The following LRRC8D variants were observed in gnomAD, a reference collection of about 807,000 sequenced individuals.
LRRC8D encodes the protein volume-regulated anion channel subunit LRRC8D.
Under a neutral mutation model 55.8 loss-of-function variants are expected in LRRC8D, and 20 were observed. That is an observed-to-expected ratio of 0.36 (90% confidence interval 0.25 to 0.52). The LOEUF (loss-of-function observed/expected upper bound fraction) is 0.52. Ranked by LOEUF, LRRC8D falls within the 20% of genes least tolerant of loss-of-function variation. The probability of loss-of-function intolerance (pLI) is 0.93; values close to 1 mark genes in which losing one functional copy is unlikely to be tolerated. For synonymous variants in LRRC8D, 352 were observed against 377.0 expected (o/e 0.93, Z 0.77); for missense variants, 651 against 1,030.8 (o/e 0.63, Z 5.05).
intron 2 of LRRC8D, among the ~76,000 whole-genome samples, chr1:89,891,973 C>T (rs1054136793): frequency 1.8e-4 from 27 of 152,178 alleles, no homozygotes; most frequent in Admixed American, 7.9e-4. Flanking sequence ...TCTGTATCTC[C>T]GGTTCCATGT....
chr1:89,873,188 T>G (rs1662064661), intron 2 of LRRC8D, among the ~76,000 whole-genome samples: 1 of 152,120 alleles, frequency 6.6e-6, no homozygotes, highest in South Asian at 2.1e-4. Flanking sequence ...CTGTCCTCTT[T>G]GAAAAATTTG....
intron 2 of LRRC8D, among the ~76,000 whole-genome samples, chr1:89,895,600 T>G (rs879555180): frequency 2.0e-5 from 3 of 152,238 alleles, no homozygotes; most frequent in Non-Finnish European, 4.4e-5. Context: ...TGACATGTAC[T>G]TTTAAAAATT....
Position 89,935,371 on chromosome 1 carries a change from CA to C in LRRC8D, c.2307del (p.Lys769AsnfsTer7). On this transcript the variant is annotated frameshift_variant, in exon 3 of 3. Coordinates refer to ENST00000337338, the MANE Select transcript of LRRC8D (RefSeq NM_001134479.2). LOFTEE classifies it high-confidence loss of function. ...HITGNKVDILPKQLFKCIKLR... is the reference protein window; with the variant it reads ...HITGNKVDILXKQLFKCIKLR... ...ACTGGGAACAAAGTGGACATTCTGC[CA>C]AAACAATTGTTTAAATGCATAAAGT... is the stretch of plus-strand genomic sequence containing the variant. The C allele has an allele frequency of 6.2e-7, 1 of 1,614,214 alleles. No individual in the cohort carries two copies. The highest frequency in any genetic ancestry group is 8.5e-7 in the Non-Finnish European group (1 of 1,180,032).
At chr1:89,932,431 T>C (rs1245314948) in intron 2 of LRRC8D, among the ~76,000 whole-genome samples, 1 of 152,214 alleles carries the variant, frequency 6.6e-6, no homozygotes, top group African/African-American at 2.4e-5. Flanking sequence ...CAACTGTTCA[T>C]GGACACTTCC....
intron 2 of LRRC8D, among the ~76,000 whole-genome samples, chr1:89,910,866 T>C (rs1480556169): frequency 5.3e-5 from 8 of 152,190 alleles, no homozygotes; most frequent in Non-Finnish European, 4.4e-5. Context: ...CAGTGTTGAA[T>C]GGCAAGATAC....
intron 2 of LRRC8D, among the ~76,000 whole-genome samples, chr1:89,856,744 A>G (rs750808007): frequency 6.8e-4 from 103 of 152,152 alleles, no homozygotes; most frequent in Non-Finnish European, 1.4e-3. Context: ...ATCTACTCTG[A>G]CAATCTGTGT....
intron 2 of LRRC8D, among the ~76,000 whole-genome samples, chr1:89,921,299 C>T (rs1045741912): frequency 6.6e-6 from 1 of 152,110 alleles, no homozygotes; most frequent in Non-Finnish European, 1.5e-5. Flanking sequence ...GATCACGCCA[C>T]TGCACTCTAG....
intron 1 of LRRC8D, among the ~76,000 whole-genome samples, chr1:89,840,414 G>A (rs969243201): frequency 2.0e-5 from 3 of 152,142 alleles, no homozygotes; most frequent in Non-Finnish European, 2.9e-5. Context: ...TTTGGGAGTC[G>A]TACAGAGTGA....
intron 2 of LRRC8D, among the ~76,000 whole-genome samples, chr1:89,908,483 A>G (rs187728313): frequency 1.3e-5 from 2 of 152,176 alleles, no homozygotes; most frequent in East Asian, 3.9e-4. Flanking sequence ...GGGTGTTGTT[A>G]TCATCATCAT....
At chr1:89,865,221 T>C (rs980614163) in intron 2 of LRRC8D, among the ~76,000 whole-genome samples, 2 of 151,998 alleles carry the variant, frequency 1.3e-5, no homozygotes, top group Admixed American at 1.3e-4. Flanking sequence ...CTTGTAGTAG[T>C]GCTTAGCACA....
chr1:89,898,354 G>T (rs1376982613), intron 2 of LRRC8D, among the ~76,000 whole-genome samples: 1 of 152,186 alleles, frequency 6.6e-6, no homozygotes, highest in African/African-American at 2.4e-5. Context: ...GGAAGGGAAG[G>T]AAAGCGTTAT....
intron 2 of LRRC8D, among the ~76,000 whole-genome samples, chr1:89,894,476 A>T (rs908558579): frequency 6.6e-6 from 1 of 152,222 alleles, no homozygotes; most frequent in Non-Finnish European, 1.5e-5. Context: ...AACTTTCAGA[A>T]CATAGGAAAT....
intron 2 of LRRC8D, among the ~76,000 whole-genome samples, chr1:89,896,695 G>A (rs189467915): frequency 5.3e-5 from 8 of 152,248 alleles, no homozygotes; most frequent in African/African-American, 1.7e-4. Context: ...GTCTAAGAGC[G>A]GGAAATCGCC....
chr1:89,823,919 C>T (rs1660702343), intron 1 of LRRC8D, among the ~76,000 whole-genome samples: 1 of 152,076 alleles, frequency 6.6e-6, no homozygotes, highest in Non-Finnish European at 1.5e-5. Context: ...GAATATACGA[C>T]TAATAAAGGA....
At chr1:89,837,571 C>A (rs772533782) in intron 1 of LRRC8D, among the ~76,000 whole-genome samples, 1 of 152,218 alleles carries the variant, frequency 6.6e-6, no homozygotes, top group Non-Finnish European at 1.5e-5. Context: ...TACTTAACAT[C>A]TCCATGTCCA....
chr1:89,878,332 T>C (rs971696950), intron 2 of LRRC8D, among the ~76,000 whole-genome samples: 2 of 152,224 alleles, frequency 1.3e-5, no homozygotes, highest in African/African-American at 4.8e-5. Flanking sequence ...CAACAGTTGC[T>C]CATCAAGCTG....
intron 2 of LRRC8D, among the ~76,000 whole-genome samples, chr1:89,863,567 T>C (rs897967435): frequency 6.6e-6 from 1 of 152,146 alleles, no homozygotes; most frequent in Non-Finnish European, 1.5e-5. Flanking sequence ...AGAGAGCTCA[T>C]GGAAACCAAG....
At chr1:89,822,824 A>G (rs1660672780) in intron 1 of LRRC8D, among the ~76,000 whole-genome samples, 1 of 152,174 alleles carries the variant, frequency 6.6e-6, no homozygotes, top group South Asian at 2.1e-4. Flanking sequence ...TAGTGACCAA[A>G]CACCTACTGT....
chr1:89,880,854 CTG>C (rs1166069894), intron 2 of LRRC8D, among the ~76,000 whole-genome samples: 1 of 152,010 alleles, frequency 6.6e-6, no homozygotes, highest in African/African-American at 2.4e-5. Context: ...ACGTATGTCA[CTG>C]TATTACATAA....
Sources: gnomAD v4.1 joint callset for allele counts (sites outside exome capture counted in the v4.1 genomes callset) on GRCh38, gnomAD v4.1.1 for gene constraint, MANE v1.5 for transcripts, NCBI Gene and HGNC (gene_info 2026-07-23, HGNC 2026-07-21) for gene names.